The following RBPJ variants were observed in gnomAD, a reference collection of about 807,000 sequenced individuals.
RBPJ encodes recombining binding protein suppressor of hairless.
RBPJ carries 9 observed loss-of-function variants against 67.8 expected under a neutral mutation model. The observed-to-expected ratio is 0.13, with a 90% CI of 0.08 to 0.23. RBPJ has a LOEUF of 0.23. Among genes scored for constraint, RBPJ ranks in the 10% least tolerant of loss-of-function variants. The pLI is 1.00. For synonymous variants in RBPJ, 198 were observed against 203.3 expected (o/e 0.97, Z 0.22); for missense variants, 305 against 595.6 (o/e 0.51, Z 5.08).
chr4:26,286,472 CAAAAAAAAA>C (rs57556548), intron 1 of RBPJ, among the ~76,000 whole-genome samples: 12 of 99,486 alleles, frequency 1.2e-4, no homozygotes, highest in Non-Finnish European at 1.7e-4. Context: ...GACCCTGCCT[CAAAAAAAAA>C]AAAAAAAAAA....
At chr4:26,182,169 C>T (rs1577443737) in intron 1 of RBPJ, among the ~76,000 whole-genome samples, 1 of 152,106 alleles carries the variant, frequency 6.6e-6, no homozygotes. Flanking sequence ...GGTGAAACCC[C>T]GTCTCTACTA....
intron 1 of RBPJ, chr4:26,272,908 C>G (rs1720961415): frequency 8.2e-6 from 2 of 242,862 alleles, no homozygotes; most frequent in Non-Finnish European, 1.7e-5. Context: ...AACTCTCAAG[C>G]AAGAGTTTCC....
At position 26,366,782 on chromosome 4, in the gene RBPJ, G is replaced by A. The variant is rs573157888; in HGVS notation, c.21-19571G>A. On this transcript the variant is annotated intron_variant, in intron 1 of 10. Transcript: ENST00000355476. ...TTTACAATACATCCTAGTTGTGGAA[G>A]GATTTACCCTTGCTTTGCATTGATG... 1.5e-3 allele frequency among the ~76,000 whole-genome samples: 228 copies of A among 152,124 alleles called. 10 individuals are homozygous for A. Among genetic ancestry groups the A allele is most frequent in the Non-Finnish European group, 1.1e-3 (74 of 67,980 alleles).
chr4:26,359,433 T>TTTA (rs1727776901), intron 1 of RBPJ, among the ~76,000 whole-genome samples: 5 of 150,156 alleles, frequency 3.3e-5, no homozygotes, highest in South Asian at 2.1e-4. Context: ...TTTTTTTTTT[T>TTTA]AACATTTTGT....
chr4:26,209,098 A>AAAAAT (rs1553848907), intron 1 of RBPJ, among the ~76,000 whole-genome samples: 24 of 146,996 alleles, frequency 1.6e-4, no homozygotes, highest in African/African-American at 3.5e-4. Context: ...GAAGAAAAAA[A>AAAAAT]ATATATATAT....
At chr4:26,217,514 C>G (rs945818273) in intron 1 of RBPJ, among the ~76,000 whole-genome samples, 8 of 151,968 alleles carry the variant, frequency 5.3e-5, no homozygotes, top group African/African-American at 1.9e-4. Flanking sequence ...GCAAGCAGAC[C>G]CCGAAAGCCC....
the RBPJ span, among the ~76,000 whole-genome samples, chr4:26,138,219 C>T: frequency 4.6e-5 from 7 of 152,172 alleles, no homozygotes; most frequent in African/African-American, 9.7e-5. Context: ...ATCATCCCAA[C>T]CTCCAGACAT....
At chr4:26,151,195 G>C in the RBPJ span, among the ~76,000 whole-genome samples, 1 of 152,146 alleles carries the variant, frequency 6.6e-6, no homozygotes, top group Non-Finnish European at 1.5e-5. Flanking sequence ...TGCATTTGGG[G>C]TTTTTTCCAG....
intron 1 of RBPJ, among the ~76,000 whole-genome samples, chr4:26,287,807 G>A (rs1721533511): frequency 7.0e-6 from 1 of 142,924 alleles, no homozygotes; most frequent in South Asian, 2.5e-4. Context: ...GGAAGGGAGG[G>A]AGGGAGGGAA....
intron 1 of RBPJ, among the ~76,000 whole-genome samples, chr4:26,208,427 A>G (rs1718245359): frequency 6.6e-6 from 1 of 151,028 alleles, no homozygotes; most frequent in Non-Finnish European, 1.5e-5. Flanking sequence ...TGATCCATTA[A>G]TAGGCTGGCC....
At chr4:26,359,951 G>A (rs1261939251) in intron 1 of RBPJ, among the ~76,000 whole-genome samples, 1 of 152,148 alleles carries the variant, frequency 6.6e-6, no homozygotes, top group African/African-American at 2.4e-5. Flanking sequence ...ATTGTGTGTT[G>A]TAAATTCAGT....
At chr4:26,223,045 C>T (rs1463455799) in intron 1 of RBPJ, among the ~76,000 whole-genome samples, 3 of 151,530 alleles carry the variant, frequency 2.0e-5, no homozygotes, top group Non-Finnish European at 4.4e-5. Flanking sequence ...ATCCCAGCTA[C>T]TCAGGAGGCT....
rs112394768 is a variant in RBPJ, at chr4:26,428,202, G to T, written c.748-518G>T. On this transcript the variant is annotated intron_variant, in intron 7 of 10. Coordinates refer to ENST00000355476, the MANE Select transcript of RBPJ (RefSeq NM_015874.6). ...TAGATATAAGACGTTTGCACTGACA[G>T]TAGCCTTCTAGAGATTTTTCCCTTT... 3.9e-5 allele frequency among the ~76,000 whole-genome samples: 6 copies of T among 152,328 alleles called. 1 individual carries two copies. The highest frequency in any genetic ancestry group is 1.4e-4 in the African/African-American group (6 of 41,580).
intron 1 of RBPJ, among the ~76,000 whole-genome samples, chr4:26,302,248 G>A (rs1722101049): frequency 6.6e-6 from 1 of 152,202 alleles, no homozygotes; most frequent in South Asian, 2.1e-4. Context: ...CCAGCACAAG[G>A]CTAAGTCAGA....
intron 1 of RBPJ, among the ~76,000 whole-genome samples, chr4:26,274,251 A>G (rs966633290): frequency 2.0e-5 from 3 of 152,222 alleles, no homozygotes; most frequent in African/African-American, 7.2e-5. Flanking sequence ...TAGGCGCTCG[A>G]TAAGTATTTG....
chr4:26,432,967 C>T lies in RBPJ; in HGVS notation c.*1960C>T, dbSNP rs1420249777. 1 of 152,120 alleles carries T rather than the reference C, an allele frequency of 6.6e-6. No homozygotes were observed. The highest frequency in any genetic ancestry group is 2.4e-5 in the African/African-American group (1 of 41,418). 9.4% of individuals were successfully genotyped at this position (152,120 alleles called of 1,614,324 possible). On this transcript the variant is annotated 3_prime_UTR_variant, in exon 11 of 11. Coordinates refer to ENST00000355476, the MANE Select transcript of RBPJ (RefSeq NM_015874.6). The stretch of plus-strand genomic sequence containing the variant: ...TATTCTTCCTAACATCTTTAAATCG[C>T]CTTTTCCTCAGTTTTCAAGGGGAAG...
chr4:26,430,442 A>T lies in RBPJ; in HGVS notation c.1068A>T (p.Ala356=). 1 of 1,611,692 alleles carries T rather than the reference A, an allele frequency of 6.2e-7. No homozygotes were observed. The highest frequency in any genetic ancestry group is 8.5e-7 in the Non-Finnish European group (1 of 1,179,350). Residue 356 remains alanine, a synonymous_variant, in exon 10 of 11, where the codon GCA becomes GCT. Transcript: ENST00000355476. The surrounding 1 kb of genome is among the most constrained non-coding windows in gnomAD (Gnocchi z 4.1). ...SLQLNGGGDV[A]MLELTGQNFT... ...AGTTGAATGGCGGTGGGGACGTAGC[A>T]ATGCTTGAACTTACAGGACAGAATT... is the stretch of plus-strand genomic sequence containing the variant.
chr4:26,128,100 G>T, the RBPJ span, among the ~76,000 whole-genome samples: 1 of 152,218 alleles, frequency 6.6e-6, no homozygotes, highest in African/African-American at 2.4e-5. Flanking sequence ...CCAGGCCAAG[G>T]CAAATACTAG....
chr4:26,182,318 G>A (rs1717035943), intron 1 of RBPJ, among the ~76,000 whole-genome samples: 1 of 151,792 alleles, frequency 6.6e-6, no homozygotes, highest in Non-Finnish European at 1.5e-5. Flanking sequence ...CTCCAGCCTG[G>A]GCAAAAGAGC....
Sources: gnomAD v4.1 joint callset for allele counts (sites outside exome capture counted in the v4.1 genomes callset) on GRCh38, gnomAD v4.1.1 for gene constraint, Gnocchi (gnomAD v3.1) non-coding constraint, MANE v1.5 for transcripts, NCBI Gene and HGNC (gene_info 2026-07-23, HGNC 2026-07-21) for gene names.